The following PLEKHM2 variants were observed in gnomAD, a reference collection of about 807,000 sequenced individuals.
PLEKHM2 encodes the protein pleckstrin homology and RUN domain containing M2.
A neutral mutation model predicts 116.3 loss-of-function variants in PLEKHM2; 77 were observed. That is an observed-to-expected ratio of 0.66 (90% CI 0.55 to 0.80). PLEKHM2 has a LOEUF of 0.80. Ranked by LOEUF, PLEKHM2 falls within the 30% of genes least tolerant of loss-of-function variation. PLEKHM2 has a pLI of 0.00. For missense variants in PLEKHM2, 1,183 were observed against 1,354.9 expected, an observed-to-expected ratio of 0.87 and a Z score of 1.99; for synonymous variants, 562 against 571.0, an observed-to-expected ratio of 0.98 and a Z score of 0.22.
At chr1:15,684,068 G>C (rs1017987599), upstream of PLEKHM2, among the ~76,000 whole-genome samples, 18 of 151,490 alleles carry the variant, frequency 1.2e-4, no homozygotes, top group East Asian at 9.8e-4. Flanking sequence ...GCTTGGGGAG[G>C]GTCTCTGAGG....
In PLEKHM2 at chr1:15,731,946, C is replaced by A. The variant is rs2068149497; in HGVS notation, c.2523C>A (p.Phe841Leu). The A allele has an allele frequency of 6.2e-7, 1 of 1,611,802 alleles. No homozygotes were observed. Among genetic ancestry groups the A allele is most frequent in the African/African-American group, 1.3e-5 (1 of 74,912 alleles). Residue 841 changes from phenylalanine to leucine, a missense_variant, in exon 17 of 20, where the codon TTC becomes TTA. Physicochemically the swap from Phe to Leu is conservative, Grantham distance 22. Coordinates refer to ENST00000375799, the MANE Select transcript of PLEKHM2 (RefSeq NM_015164.4). ...RANTTDRPHAFQVILSDRPCL... is the reference protein window; with the variant it reads ...RANTTDRPHALQVILSDRPCL... ...ACACCACGGATCGGCCCCACGCCTT[C>A]CAGGTCATTCTCTCCGACCGGCCCT... is the stretch of plus-strand genomic sequence containing the variant.
intron 7 of PLEKHM2, among the ~76,000 whole-genome samples, chr1:15,722,298 C>T (rs185464538): frequency 2.2e-3 from 330 of 152,292 alleles, no homozygotes; most frequent in African/African-American, 7.1e-3. Flanking sequence ...TGTGTGCCAC[C>T]ACGCCCGGCT....
chr1:15,733,064 G>C (rs1425013595), intron 19 of PLEKHM2, among the ~76,000 whole-genome samples: 2 of 152,254 alleles, frequency 1.3e-5, no homozygotes, highest in Non-Finnish European at 2.9e-5. Flanking sequence ...CTCCAGCCCC[G>C]GTGGTTCTGC....
At chr1:15,731,169 C>T (rs535096431) in intron 15 of PLEKHM2, 23 bp from the exon 16 acceptor site, 62 of 1,563,332 alleles carry the variant, frequency 4.0e-5, no homozygotes, top group African/African-American at 8.1e-5. Flanking sequence ...AGGCCTCACT[C>T]GCCCTGTGTT....
At chr1:15,730,465 C>T (rs926705653) in intron 14 of PLEKHM2, 67 bp from the exon 15 acceptor site, 1 of 1,306,926 alleles carries the variant, frequency 7.7e-7, no homozygotes, top group African/African-American at 1.5e-5. Flanking sequence ...AAGAACCAGT[C>T]CGGGCTCAGC....
In PLEKHM2 at chr1:15,733,991, G is replaced by A. The variant is rs760832371; in HGVS notation, c.*57G>A. The A allele has an allele frequency of 6.4e-6, 10 of 1,557,930 alleles. No individual in the cohort carries two copies. Among genetic ancestry groups the A allele is most frequent in the Admixed American group, 1.9e-5 (1 of 53,768 alleles). ...GAAAGGAAGGCACGCCAGCCGGCAGGCACACTGTCACGGCTGTTGTCATGC... is the reference window on the plus strand; with the variant it reads ...GAAAGGAAGGCACGCCAGCCGGCAGACACACTGTCACGGCTGTTGTCATGC... On this transcript the variant is annotated 3_prime_UTR_variant, in exon 20 of 20. Transcript: ENST00000375799.
intron 1 of PLEKHM2, among the ~76,000 whole-genome samples, chr1:15,713,280 CT>C (rs1229403046): frequency 6.6e-6 from 1 of 151,806 alleles, no homozygotes. Flanking sequence ...TTCTTTCTTT[CT>C]TTTTTTTCTT....
rs773278094 is a variant in PLEKHM2 at position 15,727,801 on chromosome 1, C to T, written c.1729C>T (p.Pro577Ser). ...DSGVDEGQGSPSEMVHSSEFR... is the reference protein window; with the variant it reads ...DSGVDEGQGSSSEMVHSSEFR... ...TGGGGTGGATGAGGGACAGGGGAGC[C>T]CTTCGGAGATGGTCCATTCCTCGGA... Residue 577 changes from proline (P) to serine (S), a missense_variant, in exon 9 of 20, where the codon CCT (proline) becomes TCT (serine). Pro to Ser is a moderately conservative substitution (Grantham distance 74, BLOSUM62 -1). Around this residue, in one of 3 missense-constraint regions of PLEKHM2, gnomAD observed 594 missense variants for 720.1 expected, o/e 0.82. Coordinates refer to ENST00000375799, the MANE Select transcript of PLEKHM2 (RefSeq NM_015164.4). The surrounding 1 kb of genome is among the most constrained non-coding windows in gnomAD (Gnocchi z 7.5). The T allele has an allele frequency of 2.5e-6, 4 of 1,595,896 alleles. No individual in the cohort carries two copies. Among genetic ancestry groups the T allele is most frequent in the Non-Finnish European group, 2.6e-6 (3 of 1,171,422 alleles).
upstream of PLEKHM2, among the ~76,000 whole-genome samples, chr1:15,682,571 A>G (rs1170628049): frequency 6.6e-6 from 1 of 151,404 alleles, no homozygotes; most frequent in Non-Finnish European, 1.5e-5. Flanking sequence ...GTGAGCAGAG[A>G]TCGCACCACC....
chr1:15,714,235 C>T (rs981138686), intron 1 of PLEKHM2, among the ~76,000 whole-genome samples: 2 of 151,752 alleles, frequency 1.3e-5, no homozygotes, highest in Admixed American at 6.6e-5. Context: ...CCACCACACC[C>T]GGCCCTGTTT....
chr1:15,721,363 G>A lies in PLEKHM2; in HGVS notation c.687G>A (p.Pro229=), dbSNP rs765614073. The part of the protein sequence containing the change: ...YDFGDVFPAV[P]SVPSTDWEDG... ...TTGGAGATGTGTTTCCAGCAGTGCC[G>A]TCTGTACCCAGCACAGACTGGGAAG... Residue 229 remains proline, a synonymous_variant, in exon 7 of 20, where the codon CCG becomes CCA. Coordinates refer to ENST00000375799, the MANE Select transcript of PLEKHM2 (RefSeq NM_015164.4). This position sits in a 1 kb window ranked among gnomAD's most constrained non-coding sequence, Gnocchi z 5.1. 22 of 1,570,608 alleles carry A rather than the reference G, an allele frequency of 1.4e-5. No individual in the cohort carries two copies. Among genetic ancestry groups the A allele is most frequent in the African/African-American group, 8.1e-5 (6 of 73,974 alleles).
intron 1 of PLEKHM2, among the ~76,000 whole-genome samples, chr1:15,691,823 G>A (rs1307355589): frequency 3.3e-5 from 5 of 151,790 alleles, no homozygotes; most frequent in Admixed American, 6.6e-5. Context: ...GCGGGGAGGC[G>A]AGGCAGTGGG....
Position 15,727,871 on chromosome 1 carries a change from C to A in PLEKHM2, c.1760+39C>A. Reference sequence around the variant, plus strand: ...GCAGCTGGCATGGGACTCTCCCAGCCCTTGAAGCTGGGGACACTGTGCCTC... The same window carrying A: ...GCAGCTGGCATGGGACTCTCCCAGCACTTGAAGCTGGGGACACTGTGCCTC... On this transcript the variant is annotated intron_variant, in intron 9 of 19. Transcript: ENST00000375799. The surrounding 1 kb of genome is among the most constrained non-coding windows in gnomAD (Gnocchi z 7.5). The A allele has an allele frequency of 6.9e-7, 1 of 1,451,946 alleles. No individual in the cohort carries two copies. The highest frequency in any genetic ancestry group is 9.3e-7 in the Non-Finnish European group (1 of 1,070,798). The allele number at this position is 1,451,946 out of a possible 1,614,324, so 89.9% of individuals were successfully genotyped here.
Position 15,729,174 on chromosome 1 carries a change from G to A in PLEKHM2, c.2059G>A (p.Asp687Asn), listed in dbSNP as rs1454735764. ...RRKQFLLDTADVALAEFFLAS... is the reference protein window; with the variant it reads ...RRKQFLLDTANVALAEFFLAS... ...GAAGCAGTTTCTGCTGGACACGGCT[G>A]ATGTGGCGCTGGCTGAGTGAGTGGC... The change falls in exon 13 of 20, where the codon GAT (aspartate) becomes AAT (asparagine). Residue 687 changes from aspartate to asparagine, a missense_variant. Coordinates refer to ENST00000375799, the MANE Select transcript of PLEKHM2 (RefSeq NM_015164.4). This position sits in a 1 kb window ranked among gnomAD's most constrained non-coding sequence, Gnocchi z 4.7. 2 of 1,611,060 alleles carry A rather than the reference G, an allele frequency of 1.2e-6. No individual in the cohort carries two copies. The highest frequency in any genetic ancestry group is 1.7e-5 in the Admixed American group (1 of 59,648).
rs1461680776 is a variant in PLEKHM2, at chr1:15,721,435, T to G, written c.712+47T>G. On this transcript the variant is annotated intron_variant, in intron 7 of 19. Transcript: ENST00000375799. The surrounding 1 kb of genome is among the most constrained non-coding windows in gnomAD (Gnocchi z 5.1). ...CCCTCTTTTCCTGTTTTGCAATGTT[T>G]CCATGCCAAGCTTGCTGCATGTATC... The G allele has an allele frequency of 8.4e-7, 1 of 1,192,232 alleles. No individual in the cohort carries two copies. The highest frequency in any genetic ancestry group is 2.5e-5 in the East Asian group (1 of 39,430). 73.9% of individuals were successfully genotyped at this position (1,192,232 alleles called of 1,614,324 possible).
rs959861996 is a variant in PLEKHM2, at chr1:15,728,245, C to T, written c.1831-22C>T. On this transcript the variant is annotated intron_variant, in intron 10 of 19. Coordinates refer to ENST00000375799, the MANE Select transcript of PLEKHM2 (RefSeq NM_015164.4). This position sits in a 1 kb window ranked among gnomAD's most constrained non-coding sequence, Gnocchi z 5.9. Reference sequence around the variant, plus strand: ...GAGCGGCAGGAGCCACCTGCCTGACCCTTGTCTGCTTCGGCCCCCAGATGA... The same window carrying T: ...GAGCGGCAGGAGCCACCTGCCTGACTCTTGTCTGCTTCGGCCCCCAGATGA... 7 of 1,611,974 alleles carry T rather than the reference C, an allele frequency of 4.3e-6. No individual in the cohort carries two copies. The highest frequency in any genetic ancestry group is 4.0e-5 in the African/African-American group (3 of 74,914).
intron 7 of PLEKHM2, among the ~76,000 whole-genome samples, chr1:15,724,902 C>T (rs771651774): frequency 3.9e-5 from 6 of 152,250 alleles, no homozygotes; most frequent in East Asian, 1.9e-4. Flanking sequence ...ACCCCTGTAG[C>T]GTCCTGGCAG....
intron 1 of PLEKHM2, among the ~76,000 whole-genome samples, chr1:15,694,510 T>C (rs1341748889): frequency 6.6e-6 from 1 of 152,128 alleles, no homozygotes; most frequent in Non-Finnish European, 1.5e-5. Context: ...GGGTGAAGTC[T>C]CCTTTCCAGC....
At position 15,734,327 on chromosome 1, in the gene PLEKHM2, G is replaced by C. The variant is rs2068193278; in HGVS notation, c.*393G>C. ...GACCCCCCTCTTCCTCTCCTGGGTT[G>C]GGGGCTGGGGCCCTGAGTGCCCAGC... On this transcript the variant is annotated 3_prime_UTR_variant, in exon 20 of 20. Transcript: ENST00000375799. 1.0e-5 allele frequency: 2 copies of C among 191,458 alleles called. No individual in the cohort carries two copies. The highest frequency in any genetic ancestry group is 2.4e-4 in the South Asian group (2 of 8,360). The allele number at this position is 191,458 out of a possible 1,614,324, so 11.9% of individuals were successfully genotyped here. A position where few individuals can be genotyped will look rare whatever the true frequency, so the allele number is the denominator to read the frequency against.
Sources: gnomAD v4.1 joint callset for allele counts (sites outside exome capture counted in the v4.1 genomes callset) on GRCh38, gnomAD v4.1.1 for gene constraint, gnomAD v4.1.1 regional missense constraint, Gnocchi (gnomAD v3.1) non-coding constraint, MANE v1.5 for transcripts, NCBI Gene and HGNC (gene_info 2026-07-23, HGNC 2026-07-21) for gene names.